SEM1: variants seen among roughly 807,000 people sequenced by gnomAD.
SEM1 encodes the protein SEM1 26S proteasome subunit, also known as 26S proteasome complex subunit SEM1.
SEM1 carries 3 observed loss-of-function variants against 12.7 expected under a neutral mutation model. The observed-to-expected ratio is 0.24, with a 90% CI of 0.11 to 0.61. The LOEUF (loss-of-function observed/expected upper bound fraction) is 0.61, where lower values mean the gene tolerates loss of function less well. Among genes scored for constraint, SEM1 ranks in the 20% least tolerant of loss-of-function variants. The pLI is 0.88. For missense variants in SEM1, 59 were observed against 81.3 expected (o/e 0.73, Z 1.06); for synonymous variants, 30 against 27.8 (o/e 1.08, Z -0.25).
chr7:96,542,917 A>C (rs951107452), intron 2 of SEM1, among the ~76,000 whole-genome samples: 1 of 151,994 alleles, frequency 6.6e-6, no homozygotes, highest in African/African-American at 2.4e-5. Flanking sequence ...ACAATGGCAA[A>C]ATTACCCTAC....
At chr7:96,559,208 A>G (rs114287807) in intron 2 of SEM1, among the ~76,000 whole-genome samples, 3,041 of 152,262 alleles carry the variant, frequency 0.02, 91 homozygotes, top group African/African-American at 0.069. Context: ...AAATTTTTTC[A>G]TATTTTTCCC....
chr7:96,553,510 T>A (rs1011223248), intron 2 of SEM1, among the ~76,000 whole-genome samples: 2 of 151,864 alleles, frequency 1.3e-5, no homozygotes, highest in Non-Finnish European at 2.9e-5. Context: ...GTTGTAGATA[T>A]GCAGCATTAT....
chr7:96,591,035 A>C (rs552720377), intron 2 of SEM1, among the ~76,000 whole-genome samples: 17 of 152,332 alleles, frequency 1.1e-4, no homozygotes, highest in Middle Eastern at 3.4e-3. Context: ...TGTTTAGAGA[A>C]GTGATCAAGA....
intron 2 of SEM1, among the ~76,000 whole-genome samples, chr7:96,559,475 G>A (rs1805627167): frequency 6.6e-6 from 1 of 152,092 alleles, no homozygotes; most frequent in African/African-American, 2.4e-5. Context: ...TAGAGATGGG[G>A]TTTCACCATG....
intron 2 of SEM1, among the ~76,000 whole-genome samples, chr7:96,600,905 G>T (rs1287671957): frequency 1.3e-5 from 2 of 152,146 alleles, no homozygotes; most frequent in Non-Finnish European, 2.9e-5. Context: ...GGAAGTCAAG[G>T]ATATGTCTAG....
intron 2 of SEM1, among the ~76,000 whole-genome samples, chr7:96,549,054 A>G (rs1338240857): frequency 6.6e-6 from 1 of 152,150 alleles, no homozygotes; most frequent in African/African-American, 2.4e-5. Context: ...TTCCCCTGAT[A>G]TTTGGCAAGT....
At chr7:96,677,800 T>C (rs1789492263) in intron 2 of SEM1, among the ~76,000 whole-genome samples, 1 of 151,980 alleles carries the variant, frequency 6.6e-6, no homozygotes, top group African/African-American at 2.4e-5. Flanking sequence ...ATGATGGTAT[T>C]AATTACCCAT....
At chr7:96,519,994 CA>C (rs1397904331) in intron 2 of SEM1, among the ~76,000 whole-genome samples, 1 of 152,092 alleles carries the variant, frequency 6.6e-6, no homozygotes, top group Non-Finnish European at 1.5e-5. Flanking sequence ...AAGTGAAACC[CA>C]CTTCAGTCCA....
rs563177278 is a variant in SEM1 at position 96,504,740 on chromosome 7, A to G, written c.*60+1883T>C. ...TTCCAATGATCTTATAAATGTTATTAAAGTGTTTTAATGGTTCATTTGATT... is the reference window on the plus strand; with the variant it reads ...TTCCAATGATCTTATAAATGTTATTGAAGTGTTTTAATGGTTCATTTGATT... On this transcript the variant is annotated intron_variant and NMD_transcript_variant, in intron 3 of 3. Coordinates refer to the SEM1 transcript ENST00000466986. Among the ~76,000 whole-genome samples the G allele has an allele frequency of 2.6e-5, 4 of 152,204 alleles. No individual in the cohort carries two copies. In the East Asian group the frequency reaches 7.8e-4, roughly 30 times the overall value.
At chr7:96,647,260 C>T (rs1032379133) in intron 2 of SEM1, among the ~76,000 whole-genome samples, 2 of 152,044 alleles carry the variant, frequency 1.3e-5, no homozygotes, top group Non-Finnish European at 1.5e-5. Flanking sequence ...GGAGTCAAAT[C>T]AAATAGATGC....
intron 2 of SEM1, among the ~76,000 whole-genome samples, chr7:96,528,036 C>T (rs547850507): frequency 2.0e-4 from 30 of 152,206 alleles, no homozygotes; most frequent in South Asian, 6.2e-4. Context: ...TTGTAAAACT[C>T]GTATTCCCAG....
At position 96,615,658 on chromosome 7, in the gene SEM1, G is replaced by C. The variant is rs138671432; in HGVS notation, c.170+79140C>G. The stretch of plus-strand genomic sequence containing the variant: ...ATATCTTAAATGTGTATATTGCGTA[G>C]TAGAGAAGCCTTGGCTTTTAATATA... On this transcript the variant is annotated intron_variant and NMD_transcript_variant, in intron 2 of 3. Coordinates refer to the SEM1 transcript ENST00000466986. Among the ~76,000 whole-genome samples the C allele has an allele frequency of 1.4e-3, 218 of 152,304 alleles. 1 individual carries two copies. In the East Asian group the frequency reaches 0.035, roughly 24 times the overall value.
At chr7:96,593,326 G>C (rs1806892795) in intron 2 of SEM1, among the ~76,000 whole-genome samples, 1 of 152,164 alleles carries the variant, frequency 6.6e-6, no homozygotes, top group South Asian at 2.1e-4. Context: ...ACATTTCTTA[G>C]GGGGTACTAT....
chr7:96,650,587 A>C (rs953953572), intron 2 of SEM1: 8 of 707,494 alleles, frequency 1.1e-5, no homozygotes, highest in South Asian at 5.9e-5. Context: ...AACAACAACA[A>C]CACTGTAGGT....
upstream of SEM1, among the ~76,000 whole-genome samples, chr7:96,499,521 A>G (rs781029087): frequency 2.2e-4 from 34 of 152,244 alleles, no homozygotes; most frequent in Non-Finnish European, 2.9e-4. Context: ...TGTGTCTTGA[A>G]CAAAGCGAGT....
At chr7:96,703,851 T>C (rs917309440) in intron 1 of SEM1, among the ~76,000 whole-genome samples, 3 of 151,778 alleles carry the variant, frequency 2.0e-5, no homozygotes, top group Admixed American at 1.3e-4. Context: ...GGGAGGCTGA[T>C]AGGGAGGCTG....
At chr7:96,528,457 G>C (rs989546264) in intron 2 of SEM1, among the ~76,000 whole-genome samples, 12 of 152,104 alleles carry the variant, frequency 7.9e-5, no homozygotes, top group African/African-American at 2.9e-4. Flanking sequence ...CTCCCAAAAT[G>C]CTGGGATTAT....
Position 96,541,125 on chromosome 7 carries a change from C to T in SEM1, c.171-34427G>A, listed in dbSNP as rs779064278. Among the ~76,000 whole-genome samples the T allele has an allele frequency of 4.4e-4, 67 of 151,760 alleles. 1 individual carries two copies. The highest frequency in any genetic ancestry group is 6.2e-4 in the South Asian group (3 of 4,828). On this transcript the variant is annotated intron_variant and NMD_transcript_variant, in intron 2 of 3. Coordinates refer to the SEM1 transcript ENST00000466986. The stretch of plus-strand genomic sequence containing the variant: ...TCAGTAATGAGATTGCTGGGTTGAA[C>T]GGTAGTTCTGCTTTACGTACTTTGA...
chr7:96,624,967 A>G (rs1808012026), intron 2 of SEM1, among the ~76,000 whole-genome samples: 2 of 152,210 alleles, frequency 1.3e-5, no homozygotes, highest in African/African-American at 4.8e-5. Flanking sequence ...AATACCTATC[A>G]TATCTAGAAA....
Sources: allele counts gnomAD v4.1 joint callset (sites outside exome capture counted in the v4.1 genomes callset), GRCh38; gene constraint gnomAD v4.1.1; transcripts MANE v1.5; gene names NCBI Gene and HGNC (gene_info 2026-07-23, HGNC 2026-07-21).